TACC1: variants seen among roughly 807,000 people sequenced by gnomAD.
The protein encoded by TACC1 is transforming acidic coiled-coil containing protein 1.
TACC1 carries 48 observed loss-of-function variants against 84.4 expected under a neutral mutation model. The ratio of observed to expected loss-of-function variants is 0.57; its 90% confidence interval spans 0.45 to 0.72. The LOEUF is 0.72. Ranked by LOEUF, TACC1 falls within the 30% of genes least tolerant of loss-of-function variation. TACC1 has a pLI of 0.00. For missense variants in TACC1, 920 were observed against 973.0 expected (o/e 0.95, Z 0.72); for synonymous variants, 372 against 376.3 (o/e 0.99, Z 0.13).
chr8:38,784,051 C>T (rs185278884), upstream of TACC1, among the ~76,000 whole-genome samples: 378 of 152,312 alleles, frequency 2.5e-3, 1 homozygote, highest in African/African-American at 8.9e-3. Flanking sequence ...AGGGTGGCCA[C>T]AGCCTCCTGT....
intron 1 of TACC1, among the ~76,000 whole-genome samples, chr8:38,739,771 A>G (rs1563749048): frequency 6.6e-6 from 1 of 152,226 alleles, no homozygotes; most frequent in African/African-American, 2.4e-5. Context: ...TGGTTCACCT[A>G]TTAAGACTTA....
intron 3 of TACC1, among the ~76,000 whole-genome samples, chr8:38,776,871 G>A (rs939806307): frequency 6.6e-6 from 1 of 152,196 alleles, no homozygotes; most frequent in Admixed American, 6.5e-5. Flanking sequence ...AGGAAGCTTA[G>A]ATGCTGAAAT....
At chr8:38,843,074 T>A (rs1437634975) in intron 10 of TACC1, among the ~76,000 whole-genome samples, 1 of 152,248 alleles carries the variant, frequency 6.6e-6, no homozygotes, top group African/African-American at 2.4e-5. Context: ...TAACTGACCC[T>A]TACTGTATGA....
In TACC1 at chr8:38,852,116, A is replaced by T. The variant is rs1833178139; in HGVS notation, c.*4093A>T. ...CCCATCCCCTAGTGCCAGAGCTTGC[A>T]TCCTGGAGACTAAAGATTGCACTTT... On this transcript the variant is annotated 3_prime_UTR_variant, in exon 13 of 13. Coordinates refer to ENST00000317827, the MANE Select transcript of TACC1 (RefSeq NM_006283.3). 1 of 318,812 alleles carries T rather than the reference A, an allele frequency of 3.1e-6. No individual in the cohort carries two copies. Among genetic ancestry groups the T allele is most frequent in the African/African-American group, 2.2e-5 (1 of 46,276 alleles). 19.7% of individuals were successfully genotyped at this position (318,812 alleles called of 1,614,324 possible).
At position 38,849,845 on chromosome 8, in the gene TACC1, T is replaced by A. The variant is rs934574749; in HGVS notation, c.*1822T>A. On this transcript the variant is annotated 3_prime_UTR_variant, in exon 13 of 13. Transcript: ENST00000317827. ...AGCAGTCACTGTGGTGTAATATGAA[T>A]GCTGTCCTAGTGGTCATAGTACCAA... 2 of 152,672 alleles carry A rather than the reference T, an allele frequency of 1.3e-5. No individual in the cohort carries two copies. Among genetic ancestry groups the A allele is most frequent in the African/African-American group, 2.4e-5 (1 of 41,456 alleles). 9.5% of individuals were successfully genotyped at this position (152,672 alleles called of 1,614,324 possible).
chr8:38,795,364 G>A (rs1252550421), intron 2 of TACC1, among the ~76,000 whole-genome samples: 1 of 152,212 alleles, frequency 6.6e-6, no homozygotes, highest in Non-Finnish European at 1.5e-5. Flanking sequence ...TCAAGACCTT[G>A]CACTCCCCCA....
At chr8:38,805,585 C>T (rs915663321) in intron 2 of TACC1, 5 of 152,316 alleles carry the variant, frequency 3.3e-5, no homozygotes, top group African/African-American at 9.7e-5. Flanking sequence ...TGAATAGGCT[C>T]CTTGCACTTA....
At chr8:38,737,941 C>T (rs984476648) in intron 1 of TACC1, among the ~76,000 whole-genome samples, 2 of 151,750 alleles carry the variant, frequency 1.3e-5, no homozygotes, top group African/African-American at 2.4e-5. Context: ...TGGTCAGCCT[C>T]GTCTCAAACT....
intron 3 of TACC1, among the ~76,000 whole-genome samples, chr8:38,774,416 G>GGAATGAATGAAT (rs10599906): frequency 2.0e-5 from 3 of 151,388 alleles, no homozygotes; most frequent in Non-Finnish European, 4.4e-5. Flanking sequence ...TCAAATTTGT[G>GGAATGAATGAAT]GAATGAATGA....
At chr8:38,812,324 C>G (rs1243856352) in intron 2 of TACC1, among the ~76,000 whole-genome samples, 2 of 152,092 alleles carry the variant, frequency 1.3e-5, no homozygotes, top group African/African-American at 4.8e-5. Context: ...TTTTGAAATC[C>G]TTAATAAAAA....
intron 3 of TACC1, among the ~76,000 whole-genome samples, chr8:38,759,522 A>G (rs188360902): frequency 1.9e-4 from 29 of 152,370 alleles, no homozygotes; most frequent in Non-Finnish European, 3.1e-4. Flanking sequence ...TTTTACCCGT[A>G]TAATATAAAC....
upstream of TACC1, among the ~76,000 whole-genome samples, chr8:38,784,522 T>C (rs762110803): frequency 4.0e-5 from 6 of 151,496 alleles, no homozygotes; most frequent in Non-Finnish European, 7.4e-5. Context: ...CAGCTGAGAC[T>C]GCACCACCGT....
At chr8:38,787,825 T>A in intron 1 of TACC1, 82 bp downstream of exon 1, 1 of 1,309,010 alleles carries the variant, frequency 7.6e-7, no homozygotes, top group Non-Finnish European at 1.0e-6. Context: ...GTGTGTGTGG[T>A]CGCCACCCGC....
chr8:38,834,378 C>T (rs1305971154), intron 6 of TACC1, among the ~76,000 whole-genome samples: 3 of 152,108 alleles, frequency 2.0e-5, no homozygotes, highest in Non-Finnish European at 4.4e-5. Flanking sequence ...ACATCCATGA[C>T]GTTTGCCATA....
rs981347472 is a variant in TACC1 at position 38,837,410 on chromosome 8, C to T, written c.1840-1060C>T. 4.6e-5 allele frequency among the ~76,000 whole-genome samples: 7 copies of T among 151,892 alleles called. 1 individual carries two copies. The highest frequency in any genetic ancestry group is 1.5e-4 in the African/African-American group (6 of 41,330). On this transcript the variant is annotated intron_variant, in intron 7 of 12. Coordinates refer to ENST00000317827, the MANE Select transcript of TACC1 (RefSeq NM_006283.3). The stretch of plus-strand genomic sequence containing the variant: ...TGCACTCCAACCTGGGCAACAAGAG[C>T]GAAACTCCATCTCAGAAAAATAAAA...
chr8:38,811,274 A>G (rs1363990938), intron 2 of TACC1, among the ~76,000 whole-genome samples: 1 of 151,258 alleles, frequency 6.6e-6, no homozygotes, highest in African/African-American at 2.4e-5. Context: ...AGCATTCACT[A>G]GTATTTCCTG....
chr8:38,817,772 T>G (rs1482034009), intron 2 of TACC1, among the ~76,000 whole-genome samples: 1 of 151,540 alleles, frequency 6.6e-6, no homozygotes, highest in Non-Finnish European at 1.5e-5. Context: ...ATGAGAAAGG[T>G]GTGTGAATGC....
At chr8:38,840,662 C>T (rs1831088061) in intron 9 of TACC1, 1 of 160,606 alleles carries the variant, frequency 6.2e-6, no homozygotes, top group Non-Finnish European at 1.4e-5. Flanking sequence ...ATGTCACAAA[C>T]TTGTATTTGT....
intron 3 of TACC1, among the ~76,000 whole-genome samples, chr8:38,756,959 C>T (rs1810166067): frequency 6.6e-6 from 1 of 152,204 alleles, no homozygotes. Context: ...GGGCGACGTC[C>T]GCGGATCGCG....
Sources: gnomAD v4.1 joint callset for allele counts (sites outside exome capture counted in the v4.1 genomes callset) on GRCh38, gnomAD v4.1.1 for gene constraint, MANE v1.5 for transcripts, NCBI Gene and HGNC (gene_info 2026-07-23, HGNC 2026-07-21) for gene names.